The following GIT2 variants were observed in gnomAD, a reference collection of about 807,000 sequenced individuals.
The protein encoded by GIT2 is GIT ArfGAP 2.
Under a neutral mutation model 100.3 loss-of-function variants are expected in GIT2, and 32 were observed. That is an observed-to-expected ratio of 0.32 (90% CI 0.24 to 0.43). GIT2 has a LOEUF of 0.43. GIT2 is among the 20% of genes least tolerant of loss of function. The probability of loss-of-function intolerance (pLI) is 1.00; values close to 1 mark genes in which losing one functional copy is unlikely to be tolerated. For missense variants in GIT2, 737 were observed against 975.1 expected (o/e 0.76, Z 3.25); for synonymous variants, 353 against 364.1 (o/e 0.97, Z 0.35).
At chr12:109,968,867 G>A (rs188615893) in intron 7 of GIT2, among the ~76,000 whole-genome samples, 2 of 152,052 alleles carry the variant, frequency 1.3e-5, no homozygotes, top group African/African-American at 4.8e-5. Context: ...GACTACAGGC[G>A]TGCACTGCTA....
At chr12:109,988,824 G>A (rs924996552) in intron 4 of GIT2, 139 bp downstream of exon 4, 33 of 525,996 alleles carry the variant, frequency 6.3e-5, no homozygotes, top group Non-Finnish European at 7.9e-5. Flanking sequence ...CTGTACTCCC[G>A]CCTGGGTAAC....
chr12:109,938,785 G>A, intron 17 of GIT2: 1 of 528,874 alleles, frequency 1.9e-6, no homozygotes, highest in Non-Finnish European at 3.3e-6. Context: ...GAAGGGTGAA[G>A]GAGGGGAAAA....
At chr12:109,999,625 G>A, upstream of GIT2, 1 of 1,376,190 alleles carries the variant, frequency 7.3e-7, no homozygotes, top group Non-Finnish European at 9.7e-7. This position sits in a 1 kb window ranked among gnomAD's most constrained non-coding sequence, Gnocchi z 4.3. Context: ...AGGCGGGCGC[G>A]GGAGACCCCG....
chr12:109,993,566 T>C (rs1174640740), intron 1 of GIT2, among the ~76,000 whole-genome samples: 5 of 152,194 alleles, frequency 3.3e-5, no homozygotes, highest in Non-Finnish European at 5.9e-5. Flanking sequence ...GTTTTCACCA[T>C]GGTTCAAATG....
At chr12:109,973,129 G>A (rs1165932366) in intron 7 of GIT2, among the ~76,000 whole-genome samples, 1 of 151,998 alleles carries the variant, frequency 6.6e-6, no homozygotes, top group African/African-American at 2.4e-5. Flanking sequence ...TGCCTGGTCT[G>A]TATTACTATT....
Position 109,953,112 on chromosome 12 carries a change from T to C in GIT2, c.1222A>G (p.Ser408Gly). The change falls in exon 13 of 20, where the codon AGC becomes GGC. Residue 408 changes from serine to glycine, a missense_variant. Physicochemically the swap from Ser to Gly is moderately conservative, Grantham distance 56. This residue lies in a region of GIT2 where 451 missense variants were observed against 543.7 expected (regional missense o/e 0.83). Transcript: ENST00000355312. ...CTCACCTTCTGCCGGTTTGTTTTGC[T>C]TGCAGTGGTTTCCAAATCTGTGTCT... ...DEDTDLETTA[S>G]KTNRQKSLDS... The C allele has an allele frequency of 6.2e-7, 1 of 1,614,206 alleles. No homozygotes were observed. Among genetic ancestry groups the C allele is most frequent in the Non-Finnish European group, 8.5e-7 (1 of 1,180,034 alleles).
intron 15 of GIT2, 116 bp from the exon 16 acceptor site, chr12:109,945,465 T>A: frequency 1.5e-6 from 1 of 671,400 alleles, no homozygotes; most frequent in Non-Finnish European, 2.8e-6. Flanking sequence ...ACGTGAGTGC[T>A]GCAATCTCAG....
chr12:109,959,003 A>G (rs1880322090), intron 12 of GIT2, among the ~76,000 whole-genome samples: 1 of 152,042 alleles, frequency 6.6e-6, no homozygotes, highest in South Asian at 2.1e-4. Flanking sequence ...ATTATGTTGA[A>G]CTCAGTTTTG....
At chr12:109,999,444 G>T (rs1056384810), upstream of GIT2, 1 of 225,734 alleles carries the variant, frequency 4.4e-6, no homozygotes, top group Non-Finnish European at 8.6e-6. This position sits in a 1 kb window ranked among gnomAD's most constrained non-coding sequence, Gnocchi z 4.3. Context: ...GTCTGTCCGC[G>T]AGCTGTCAGC....
Position 109,951,276 on chromosome 12 carries a change from T to C in GIT2, c.1283A>G (p.Gln428Arg). 7 of 1,611,956 alleles carry C rather than the reference T, an allele frequency of 4.3e-6. No individual in the cohort carries two copies. Among genetic ancestry groups the C allele is most frequent in the Non-Finnish European group, 5.9e-6 (7 of 1,177,982 alleles). ...AGCGTTTTTGACCTCCATAAATTCC[T>C]GTACAGTGACTGGTCCATCTGATAA... ...SDLSDGPVTV[Q>R]EFMEVKNALV... Residue 428 changes from glutamine to arginine, a missense_variant, in exon 14 of 20, where the codon CAG (glutamine) becomes CGG (arginine). Coordinates refer to ENST00000355312, the MANE Select transcript of GIT2 (RefSeq NM_057169.5).
At position 109,947,474 on chromosome 12, in the gene GIT2, G is replaced by C. The variant is rs1876660571; in HGVS notation, c.1423C>G (p.Leu475Val). 6.2e-7 allele frequency: 1 copy of C among 1,613,824 alleles called. No individual in the cohort carries two copies. The highest frequency in any genetic ancestry group is 1.1e-5 in the South Asian group (1 of 91,082). ...ACATTGGTTGTGGCCTGTTTCCTGA[G>C]GTTCGAATTTTCACTCTGGAGTGTT... ...LQTLQSENSN[L>V]RKQATTNVYQ... Residue 475 changes from leucine to valine, a missense_variant, in exon 15 of 20, where the codon CTC (leucine) becomes GTC (valine). Leu to Val is a conservative substitution (Grantham distance 32). Transcript: ENST00000355312. The surrounding 1 kb of genome is among the most constrained non-coding windows in gnomAD (Gnocchi z 4.3).
Position 109,948,463 on chromosome 12 carries a change from ATGG to A in GIT2, c.1393-962_1393-960del, listed in dbSNP as rs1362635384. The A allele has an allele frequency of 4.6e-6, 5 of 1,096,524 alleles. No individual in the cohort carries two copies. The highest frequency in any genetic ancestry group is 5.6e-6 in the Non-Finnish European group (5 of 900,400). The allele number at this position is 1,096,524 out of a possible 1,614,324, so 67.9% of individuals were successfully genotyped here. ...CATGCAGGCTGCTCCATGGTGCTGG[ATGG>A]ATTAGAGTTAAGGGGTCAGCAGGGA... On this transcript the variant is annotated intron_variant, in intron 14 of 19. Coordinates refer to ENST00000355312, the MANE Select transcript of GIT2 (RefSeq NM_057169.5). The surrounding 1 kb of genome is among the most constrained non-coding windows in gnomAD (Gnocchi z 4.3).
chr12:109,955,470 T>C (rs970241374), intron 12 of GIT2, among the ~76,000 whole-genome samples: 3 of 152,138 alleles, frequency 2.0e-5, no homozygotes, highest in Non-Finnish European at 4.4e-5. Context: ...TTGGCCAATA[T>C]TAGATCAGTG....
At chr12:109,951,120 C>T in intron 14 of GIT2, 47 bp downstream of exon 14, 2 of 1,528,674 alleles carry the variant, frequency 1.3e-6, no homozygotes, top group South Asian at 1.1e-5. Context: ...CTTCCTTGTA[C>T]TATGGGATTA....
chr12:109,961,239 T>C (rs1226075195), intron 11 of GIT2, 39 bp downstream of exon 11: 3 of 1,096,232 alleles, frequency 2.7e-6, no homozygotes, highest in African/African-American at 1.5e-5. Context: ...ACATCAGCCA[T>C]TCCCCAACTA....
chr12:109,991,280 A>C (rs894188916), intron 2 of GIT2, among the ~76,000 whole-genome samples: 15 of 151,210 alleles, frequency 9.9e-5, no homozygotes, highest in Non-Finnish European at 1.9e-4. Context: ...ACTGCACTCC[A>C]GCCTGGATGA....
Position 109,939,212 on chromosome 12 carries a change from C to G in GIT2, c.1767G>C (p.Glu589Asp), listed in dbSNP as rs541055586. 5.6e-6 allele frequency: 9 copies of G among 1,610,934 alleles called. No individual in the cohort carries two copies. The African/African-American group carries it at 6.7e-5, about 12-fold the overall frequency. Residue 589 changes from glutamate to aspartate, a missense_variant, in exon 17 of 20, where the codon GAG becomes GAC. Around this residue, in one of 3 missense-constraint regions of GIT2, gnomAD observed 451 missense variants for 543.7 expected, o/e 0.83. Coordinates refer to ENST00000355312, the MANE Select transcript of GIT2 (RefSeq NM_057169.5). ...SRLEKQNSTPESDYDNTPNDM... is the reference protein window; with the variant it reads ...SRLEKQNSTPDSDYDNTPNDM... Reference sequence around the variant, plus strand: ...CGTTGGGAGTGTTGTCGTAGTCACTCTCAGGTGTGCTGTTCTGCTTCTCCA... The same window carrying G: ...CGTTGGGAGTGTTGTCGTAGTCACTGTCAGGTGTGCTGTTCTGCTTCTCCA...
At chr12:109,949,055 G>A in intron 14 of GIT2, 1 of 575,228 alleles carries the variant, frequency 1.7e-6, no homozygotes, top group Non-Finnish European at 3.0e-6. Flanking sequence ...TCTCTGAAGA[G>A]CAAGCCATTA....
At chr12:109,995,845 TA>T (rs1889285703) in intron 1 of GIT2, among the ~76,000 whole-genome samples, 2 of 152,318 alleles carry the variant, frequency 1.3e-5, no homozygotes, top group Admixed American at 6.5e-5. Flanking sequence ...GCTCACATTT[TA>T]CTTCTGTAAT....
Sources: gnomAD v4.1 joint callset for allele counts (sites outside exome capture counted in the v4.1 genomes callset) on GRCh38, gnomAD v4.1.1 for gene constraint, gnomAD v4.1.1 regional missense constraint, Gnocchi (gnomAD v3.1) non-coding constraint, MANE v1.5 for transcripts, NCBI Gene and HGNC (gene_info 2026-07-23, HGNC 2026-07-21) for gene names.